The following XPO4 variants were observed in gnomAD, a reference collection of about 807,000 sequenced individuals.
XPO4 encodes the protein exportin-4.
Under a neutral mutation model 143.0 loss-of-function variants are expected in XPO4, and 39 were observed. The observed-to-expected ratio is 0.27, with a 90% CI of 0.21 to 0.36. The LOEUF (loss-of-function observed/expected upper bound fraction) is 0.36. XPO4 is among the 10% of genes least tolerant of loss of function. The pLI is 1.00. For missense variants in XPO4, 907 were observed against 1,348.0 expected (o/e 0.67, Z 5.12); for synonymous variants, 439 against 474.0 (o/e 0.93, Z 0.96).
Position 20,779,551 on chromosome 13 carries a change from T to C in XPO4, c.*4171A>G, listed in dbSNP as rs768519858. On this transcript the variant is annotated 3_prime_UTR_variant, in exon 23 of 23. Transcript: ENST00000255305. ...GGAATAGGTGAAGATCAAACCACAG[T>C]GGGAGAGGAGGGTAAAGATGTGAGC... The C allele has an allele frequency of 6.6e-6, 1 of 151,812 alleles. No individual in the cohort carries two copies. Among genetic ancestry groups the C allele is most frequent in the Non-Finnish European group, 1.5e-5 (1 of 67,904 alleles). 9.4% of individuals were successfully genotyped at this position (151,812 alleles called of 1,614,324 possible).
rs1352816539 is a variant in XPO4 at position 20,783,666 on chromosome 13, C to G, written c.*56G>C. 1.3e-6 allele frequency: 2 copies of G among 1,583,858 alleles called. No homozygotes were observed. The highest frequency in any genetic ancestry group is 2.7e-5 in the African/African-American group (2 of 74,222). On this transcript the variant is annotated 3_prime_UTR_variant, in exon 23 of 23. Coordinates refer to ENST00000255305, the MANE Select transcript of XPO4 (RefSeq NM_022459.5). ...ATAGGACAAGACTCAAGTCAACTTT[C>G]AGCAATTCAGTGCACTTTGCAGAAA...
chr13:20,861,141 T>G (rs2060193538), intron 3 of XPO4, among the ~76,000 whole-genome samples: 2 of 152,174 alleles, frequency 1.3e-5, no homozygotes, highest in Non-Finnish European at 2.9e-5. Flanking sequence ...AATTTTTTCT[T>G]TAATGACTTT....
At chr13:20,786,932 G>A in intron 22 of XPO4, 33 bp downstream of exon 22, 1 of 1,521,780 alleles carries the variant, frequency 6.6e-7, no homozygotes, top group Non-Finnish European at 8.8e-7. Context: ...AATAGAATGA[G>A]AAGAGTCCCC....
chr13:20,868,812 G>A (rs2060266408), intron 1 of XPO4, 111 bp from the exon 2 acceptor site: 3 of 859,436 alleles, frequency 3.5e-6, no homozygotes, highest in Non-Finnish European at 5.3e-6. Context: ...GGGGGCAAGA[G>A]GAACAAATTC....
Position 20,796,258 on chromosome 13 carries a change from TG to T in XPO4, c.2617-3del, listed in dbSNP as rs1566562167. ...TTCATATAAGTTCATAGCTTTGGACTGAAAAAAAAAAAAATGCACAAATTAT... is the reference window on the plus strand; with the variant it reads ...TTCATATAAGTTCATAGCTTTGGACTAAAAAAAAAAAAATGCACAAATTAT... On this transcript the variant is annotated splice_polypyrimidine_tract_variant and splice_region_variant and intron_variant, in intron 17 of 22. Coordinates refer to ENST00000255305, the MANE Select transcript of XPO4 (RefSeq NM_022459.5). The T allele has an allele frequency of 1.1e-5, 17 of 1,521,806 alleles. No homozygotes were observed. The highest frequency in any genetic ancestry group is 2.3e-5 in the East Asian group (1 of 43,606). The allele number at this position is 1,521,806 out of a possible 1,614,324, so 94.3% of individuals were successfully genotyped here. A position where few individuals can be genotyped will look rare whatever the true frequency, so the allele number is the denominator to read the frequency against.
chr13:20,898,875 C>T (rs865860900), intron 1 of XPO4, among the ~76,000 whole-genome samples: 32 of 152,192 alleles, frequency 2.1e-4, no homozygotes, highest in African/African-American at 6.0e-4. Context: ...ATTACCATAC[C>T]ATATCATGTA....
At chr13:20,855,461 G>GAA (rs66665772) in intron 4 of XPO4, among the ~76,000 whole-genome samples, 166 bp downstream of exon 4, 1,559 of 122,586 alleles carry the variant, frequency 0.013, 31 homozygotes, top group African/African-American at 0.042. Context: ...TGTCACAAGG[G>GAA]AAAAAAAAAA....
At chr13:20,799,033 AAAAGAAAGAAAG>A (rs552508976) in intron 16 of XPO4, 120 bp downstream of exon 16, 1 of 992,522 alleles carries the variant, frequency 1.0e-6, no homozygotes. Context: ...AAAAAAAAAA[AAAAGAAAGAAAG>A]AAAGAAAGAA....
rs181240263 is a variant in XPO4 at position 20,896,380 on chromosome 13, T to C, written c.69+6290A>G. Among the ~76,000 whole-genome samples, 156 of 152,342 alleles carry C rather than the reference T, an allele frequency of 1.0e-3. 1 individual carries two copies. The highest frequency in any genetic ancestry group is 3.4e-3 in the Middle Eastern group (1 of 294). ...GATTGACCTTTCAGACCAAGGAGCA[T>C]AGCCTTCATTTAATTCAGCTCTTTT... On this transcript the variant is annotated intron_variant, in intron 1 of 22. Coordinates refer to ENST00000255305, the MANE Select transcript of XPO4 (RefSeq NM_022459.5).
At position 20,846,471 on chromosome 13, in the gene XPO4, A is replaced by C. The variant is rs2138071769; in HGVS notation, c.457-2585T>G. Among the ~76,000 whole-genome samples the C allele has an allele frequency of 2.0e-5, 3 of 152,322 alleles. No individual in the cohort carries two copies. The Middle Eastern group carries it at 0.01, about 518-fold the overall frequency. On this transcript the variant is annotated intron_variant, in intron 4 of 22. Transcript: ENST00000255305. ...CATGGAACTGCTTTTTAGTTACGGC[A>C]ATGAATATATCCCTCCAAAACAGCA... is the stretch of plus-strand genomic sequence containing the variant.
At chr13:20,880,586 T>C (rs1040484796) in intron 1 of XPO4, among the ~76,000 whole-genome samples, 22 of 152,230 alleles carry the variant, frequency 1.4e-4, no homozygotes, top group African/African-American at 4.6e-4. Context: ...TAATAGACTG[T>C]ACCAATGTTC....
chr13:20,902,104 G>A (rs1366409501), intron 1 of XPO4: 1 of 985,244 alleles, frequency 1.0e-6, no homozygotes, highest in East Asian at 1.1e-4. Flanking sequence ...CAATGACCTT[G>A]GTCTCAACGA....
chr13:20,821,676 C>A, intron 9 of XPO4, 28 bp downstream of exon 9: 1 of 1,577,824 alleles, frequency 6.3e-7, no homozygotes, highest in Non-Finnish European at 8.6e-7. Context: ...TGAAAACTGA[C>A]ACAATTTACT....
intron 3 of XPO4, among the ~76,000 whole-genome samples, chr13:20,861,925 A>G (rs2060204273): frequency 6.6e-6 from 1 of 151,722 alleles, no homozygotes. Context: ...AGTAGCTGGG[A>G]CTAGAGGCGT....
chr13:20,783,676 G>A lies in XPO4; in HGVS notation c.*46C>T, dbSNP rs754525135. 8.8e-6 allele frequency: 14 copies of A among 1,590,398 alleles called. No individual in the cohort carries two copies. Among genetic ancestry groups the A allele is most frequent in the Non-Finnish European group, 1.0e-5 (12 of 1,158,800 alleles). On this transcript the variant is annotated 3_prime_UTR_variant, in exon 23 of 23. Transcript: ENST00000255305. Reference sequence around the variant, plus strand: ...ACTCAAGTCAACTTTCAGCAATTCAGTGCACTTTGCAGAAAGGATCTAAAT... The same window carrying A: ...ACTCAAGTCAACTTTCAGCAATTCAATGCACTTTGCAGAAAGGATCTAAAT...
In XPO4 at chr13:20,853,138, C is replaced by T. The variant is rs1292696241; in HGVS notation, c.456+2489G>A. 4 of 668,176 alleles carry T rather than the reference C, an allele frequency of 6.0e-6. No homozygotes were observed. The African/African-American group carries it at 7.9e-5, about 13-fold the overall frequency. The allele number at this position is 668,176 out of a possible 1,614,324, so 41.4% of individuals were successfully genotyped here. A position where few individuals can be genotyped will look rare whatever the true frequency, so the allele number is the denominator to read the frequency against. On this transcript the variant is annotated intron_variant, in intron 4 of 22. Transcript: ENST00000255305. ...TTGAGCCCAGGAGTTCGAGACCAGCCTAGGCAACATAGTGAAACCTCATCG... is the reference window on the plus strand; with the variant it reads ...TTGAGCCCAGGAGTTCGAGACCAGCTTAGGCAACATAGTGAAACCTCATCG...
chr13:20,777,630 T>C lies in XPO4; in HGVS notation c.*6092A>G, dbSNP rs2059101737. 6.6e-6 allele frequency: 1 copy of C among 152,220 alleles called. No individual in the cohort carries two copies. The highest frequency in any genetic ancestry group is 1.5e-5 in the Non-Finnish European group (1 of 68,042). 9.4% of individuals were successfully genotyped at this position (152,220 alleles called of 1,614,324 possible). A position where few individuals can be genotyped will look rare whatever the true frequency, so the allele number is the denominator to read the frequency against. Reference sequence around the variant, plus strand: ...TTCTACTACTCAATACATCTTGGGCTTTCTTAAAGGTGTATTTGAAGCCTA... The same window carrying C: ...TTCTACTACTCAATACATCTTGGGCCTTCTTAAAGGTGTATTTGAAGCCTA... On this transcript the variant is annotated 3_prime_UTR_variant, in exon 23 of 23. Coordinates refer to ENST00000255305, the MANE Select transcript of XPO4 (RefSeq NM_022459.5).
chr13:20,869,416 T>C, intron 1 of XPO4: 1 of 591,952 alleles, frequency 1.7e-6, no homozygotes, highest in Non-Finnish European at 2.1e-6. Context: ...TTACATGGTT[T>C]AGTTAACTTT....
intron 18 of XPO4, among the ~76,000 whole-genome samples, chr13:20,791,651 A>C (rs937794920): frequency 1.3e-5 from 2 of 152,216 alleles, no homozygotes; most frequent in Non-Finnish European, 2.9e-5. Context: ...ACAAACTTGT[A>C]TTTAGAGCAC....
Sources: allele counts gnomAD v4.1 joint callset (sites outside exome capture counted in the v4.1 genomes callset), GRCh38; gene constraint gnomAD v4.1.1; transcripts MANE v1.5; gene names NCBI Gene and HGNC (gene_info 2026-07-23, HGNC 2026-07-21).